Variants in SLC29A1 observed in about 807,000 individuals in gnomAD.
SLC29A1 encodes the protein solute carrier family 29 member 1 (Augustine blood group).
A neutral mutation model predicts 48.3 loss-of-function variants in SLC29A1; 22 were observed. The ratio of observed to expected loss-of-function variants is 0.46; its 90% CI spans 0.33 to 0.65. The LOEUF (loss-of-function observed/expected upper bound fraction) is 0.65. Among genes scored for constraint, SLC29A1 ranks in the 30% least tolerant of loss-of-function variants. The pLI is 0.03. For missense variants in SLC29A1, 491 were observed against 575.3 expected, an observed-to-expected ratio of 0.85 and a Z score of 1.50; for synonymous variants, 228 against 231.0, an observed-to-expected ratio of 0.99 and a Z score of 0.12.
Position 44,233,716 on chromosome 6 carries a change from G to A in SLC29A1, c.*188G>A. ...CCTCTGGACGGACAGTGGGGACATTGTGGGTTTGGGGCTCAGAGTCGAGGG... is the reference window on the plus strand; with the variant it reads ...CCTCTGGACGGACAGTGGGGACATTATGGGTTTGGGGCTCAGAGTCGAGGG... On this transcript the variant is annotated 3_prime_UTR_variant, in exon 13 of 13. Transcript: ENST00000371755. 1 of 598,998 alleles carries A rather than the reference G, an allele frequency of 1.7e-6. No individual in the cohort carries two copies. Among genetic ancestry groups the A allele is most frequent in the Non-Finnish European group, 3.0e-6 (1 of 334,886 alleles). The allele number at this position is 598,998 out of a possible 1,614,324, so 37.1% of individuals were successfully genotyped here.
At chr6:44,225,255 C>T (rs1777241365) in intron 1 of SLC29A1, among the ~76,000 whole-genome samples, 1 of 152,098 alleles carries the variant, frequency 6.6e-6, no homozygotes, top group Non-Finnish European at 1.5e-5. Flanking sequence ...CCTGTAATCC[C>T]AGCACTTTGG....
In SLC29A1 at chr6:44,229,634, ACT is replaced by A. The variant is rs1389512175; in HGVS notation, c.158_159del (p.Thr53SerfsTer2). 6.2e-7 allele frequency: 1 copy of A among 1,614,154 alleles called. No homozygotes were observed. Among genetic ancestry groups the A allele is most frequent in the South Asian group, 1.1e-5 (1 of 91,084 alleles). ...LDMSQNVSLVTAELSKDAQAS... is the reference protein window; with the variant it reads ...LDMSQNVSLVXAELSKDAQAS... ...CATGTCCCAGAATGTGTCCTTGGTC[ACT>A]GCTGAACTGAGCAAGGACGCCCAGG... On this transcript the variant is annotated frameshift_variant, in exon 4 of 13. Coordinates refer to ENST00000371755, the MANE Select transcript of SLC29A1 (RefSeq NM_001372327.1). LOFTEE classifies it high-confidence loss of function. The surrounding 1 kb of genome is among the most constrained non-coding windows in gnomAD (Gnocchi z 5.1).
At chr6:44,221,728 C>A, upstream of SLC29A1, 1 of 1,033,754 alleles carries the variant, frequency 9.7e-7, no homozygotes, top group Non-Finnish European at 1.3e-6. This position sits in a 1 kb window ranked among gnomAD's most constrained non-coding sequence, Gnocchi z 4.2. Flanking sequence ...GGCCCTGGCA[C>A]CCAGCAACCT....
At chr6:44,221,724 G>A, upstream of SLC29A1, 1 of 1,096,600 alleles carries the variant, frequency 9.1e-7, no homozygotes, top group Non-Finnish European at 1.2e-6. This position sits in a 1 kb window ranked among gnomAD's most constrained non-coding sequence, Gnocchi z 4.2. Context: ...AGGGGGCCCT[G>A]GCACCCAGCA....
intron 2 of SLC29A1, among the ~76,000 whole-genome samples, chr6:44,228,617 A>G (rs1365977592): frequency 6.6e-6 from 1 of 152,250 alleles, no homozygotes; most frequent in African/African-American, 2.4e-5. Flanking sequence ...CTGGAGATCT[A>G]CATGGGCCGG....
At chr6:44,233,320 C>A in intron 12 of SLC29A1, 97 bp from the exon 13 acceptor site, 1 of 1,023,274 alleles carries the variant, frequency 9.8e-7, no homozygotes, top group Non-Finnish European at 1.5e-6. Flanking sequence ...TGAGGTTCGA[C>A]AGTCAAGTTG....
chr6:44,219,633 C>G (rs2128333759), upstream of SLC29A1: 1 of 1,150,814 alleles, frequency 8.7e-7, no homozygotes, highest in Non-Finnish European at 1.1e-6. Context: ...CGCCCGGCGG[C>G]CCACACCGGT....
At chr6:44,223,574 C>G (rs1465028380), upstream of SLC29A1, 17 of 1,210,350 alleles carry the variant, frequency 1.4e-5, no homozygotes, top group Admixed American at 4.8e-4. The surrounding 1 kb of genome is among the most constrained non-coding windows in gnomAD (Gnocchi z 5.0). Context: ...TGAATGTGCC[C>G]CGGCGGGAGA....
upstream of SLC29A1, chr6:44,219,644 C>T: frequency 8.1e-7 from 1 of 1,227,076 alleles, no homozygotes; most frequent in East Asian, 5.8e-5. Context: ...CCACACCGGT[C>T]AGGCCCGGCG....
In SLC29A1 at chr6:44,229,619, A is replaced by G. The variant is rs761076841; in HGVS notation, c.142A>G (p.Asn48Asp). 6.2e-7 allele frequency: 1 copy of G among 1,614,140 alleles called. No homozygotes were observed. Among genetic ancestry groups the G allele is most frequent in the Admixed American group, 1.7e-5 (1 of 60,018 alleles). The change falls in exon 4 of 13, where the codon AAT becomes GAT. Residue 48 changes from asparagine (N) to aspartate (D), a missense_variant. Physicochemically the swap from Asn to Asp is conservative, Grantham distance 23 (BLOSUM62 1). Coordinates refer to ENST00000371755, the MANE Select transcript of SLC29A1 (RefSeq NM_001372327.1). This position sits in a 1 kb window ranked among gnomAD's most constrained non-coding sequence, Gnocchi z 5.1. ...CACAAACCGCCTGGACATGTCCCAG[A>G]ATGTGTCCTTGGTCACTGCTGAACT... ...YFTNRLDMSQNVSLVTAELSK... is the reference protein window; with the variant it reads ...YFTNRLDMSQDVSLVTAELSK...
At chr6:44,230,169 G>C (rs763591708) in intron 5 of SLC29A1, 123 bp downstream of exon 5, 1 of 1,491,756 alleles carries the variant, frequency 6.7e-7, no homozygotes, top group Non-Finnish European at 9.2e-7. Flanking sequence ...GATGCTGTGA[G>C]CAGCTGGGAT....
chr6:44,222,913 C>A (rs1045245069), upstream of SLC29A1, among the ~76,000 whole-genome samples: 1 of 152,242 alleles, frequency 6.6e-6, no homozygotes, highest in East Asian at 1.9e-4. Flanking sequence ...TGCCCCACCC[C>A]CCTCCGCGCG....
At chr6:44,223,593 G>T, upstream of SLC29A1, 1 of 1,215,416 alleles carries the variant, frequency 8.2e-7, no homozygotes, top group South Asian at 1.4e-5. This position sits in a 1 kb window ranked among gnomAD's most constrained non-coding sequence, Gnocchi z 5.0. Context: ...GAGGGAAGCT[G>T]CAGCGAGAGC....
chr6:44,233,155 A>T, intron 12 of SLC29A1, 149 bp downstream of exon 12: 1 of 907,164 alleles, frequency 1.1e-6, no homozygotes, highest in Non-Finnish European at 1.7e-6. Flanking sequence ...GGCTGAGGGG[A>T]TAGTGACTGT....
Position 44,229,809 on chromosome 6 carries a change from C to T in SLC29A1, c.314+18C>T, listed in dbSNP as rs1287682232. 8.7e-6 allele frequency: 14 copies of T among 1,607,254 alleles called. No individual in the cohort carries two copies. The highest frequency in any genetic ancestry group is 1.1e-5 in the Non-Finnish European group (13 of 1,174,970). ...CATCAGAGGTGAGTGCCCACCCCCT[C>T]CCCAGCCCCCAGCCTGACCCTCACT... On this transcript the variant is annotated intron_variant, in intron 4 of 12. Coordinates refer to ENST00000371755, the MANE Select transcript of SLC29A1 (RefSeq NM_001372327.1). This position sits in a 1 kb window ranked among gnomAD's most constrained non-coding sequence, Gnocchi z 5.1.
upstream of SLC29A1, chr6:44,219,769 C>G (rs1223773860): frequency 3.2e-5 from 41 of 1,285,458 alleles, no homozygotes; most frequent in Non-Finnish European, 4.1e-5. Flanking sequence ...ATGCTCACTC[C>G]AAAGTCTCAG....
At chr6:44,224,997 T>A (rs1436964155) in intron 1 of SLC29A1, among the ~76,000 whole-genome samples, 6 of 152,168 alleles carry the variant, frequency 3.9e-5, no homozygotes, top group Non-Finnish European at 8.8e-5. Flanking sequence ...AGCAGGGGTG[T>A]AGCAGGGGGC....
chr6:44,233,039 C>A (rs76493127), intron 12 of SLC29A1, 33 bp downstream of exon 12: 5 of 1,598,326 alleles, frequency 3.1e-6, no homozygotes, highest in Non-Finnish European at 4.3e-6. Flanking sequence ...TTGGTGGCAT[C>A]AGACAGGATC....
At chr6:44,220,084 C>T (rs936131014), upstream of SLC29A1, among the ~76,000 whole-genome samples, 1 of 152,120 alleles carries the variant, frequency 6.6e-6, no homozygotes. Flanking sequence ...CCTAACTGAA[C>T]AAAGAATTTA....
Sources: allele counts gnomAD v4.1 joint callset (sites outside exome capture counted in the v4.1 genomes callset), GRCh38; gene constraint gnomAD v4.1.1; non-coding constraint Gnocchi (gnomAD v3.1); transcripts MANE v1.5; gene names NCBI Gene and HGNC (gene_info 2026-07-23, HGNC 2026-07-21).